DCLK1: variants seen among roughly 807,000 people sequenced by gnomAD.
DCLK1 encodes doublecortin like kinase 1, also known as serine/threonine-protein kinase DCLK1.
DCLK1 carries 16 observed loss-of-function variants against 86.2 expected under a neutral mutation model. The ratio of observed to expected loss-of-function variants is 0.19; its 90% CI spans 0.13 to 0.28. The LOEUF is 0.28. Ranked by LOEUF, DCLK1 falls within the 10% of genes least tolerant of loss-of-function variation. The pLI is 1.00. For missense variants in DCLK1, 590 were observed against 940.2 expected (o/e 0.63, Z 4.87); for synonymous variants, 369 against 370.5 (o/e 1.00, Z 0.05).
intron 16 of DCLK1, among the ~76,000 whole-genome samples, chr13:35,785,707 G>A (rs1423797399): frequency 2.0e-5 from 3 of 152,108 alleles, no homozygotes; most frequent in Admixed American, 6.5e-5. Context: ...CCAAGTGTTC[G>A]GCTTACAGCA....
At chr13:35,780,843 A>C (rs533143291) in intron 16 of DCLK1, among the ~76,000 whole-genome samples, 1 of 152,326 alleles carries the variant, frequency 6.6e-6, no homozygotes, top group South Asian at 2.1e-4. Context: ...TGAAAATCTT[A>C]GGGAAATCCA....
At chr13:35,832,508 G>A (rs1228598493) in intron 8 of DCLK1, among the ~76,000 whole-genome samples, 1 of 152,078 alleles carries the variant, frequency 6.6e-6, no homozygotes, top group Admixed American at 6.5e-5. Flanking sequence ...CTCTGTATGG[G>A]GCTGTGTCTT....
chr13:36,131,800 T>C (rs1286921312), upstream of DCLK1, among the ~76,000 whole-genome samples: 1 of 152,200 alleles, frequency 6.6e-6, no homozygotes, highest in Non-Finnish European at 1.5e-5. Flanking sequence ...TCTGACACCT[T>C]TCCCAGGGTA....
At chr13:36,076,720 G>A (rs1302233054) in intron 3 of DCLK1, among the ~76,000 whole-genome samples, 1 of 152,136 alleles carries the variant, frequency 6.6e-6, no homozygotes, top group Non-Finnish European at 1.5e-5. Flanking sequence ...AGTTCCGATT[G>A]CACCCGCCAC....
chr13:35,898,351 C>A (rs1874126306), intron 4 of DCLK1, among the ~76,000 whole-genome samples: 1 of 152,222 alleles, frequency 6.6e-6, no homozygotes, highest in African/African-American at 2.4e-5. Context: ...CTTCTCATTA[C>A]CCCAAGTTCT....
At position 36,021,066 on chromosome 13, in the gene DCLK1, G is replaced by A. The variant is rs530378849; in HGVS notation, c.724-73609C>T. ...TGCATAAAGCTACAATTATAACACC[G>A]CCTTCATGTATAAAGGTATAATTTG... On this transcript the variant is annotated intron_variant, in intron 3 of 16. Coordinates refer to ENST00000360631, the MANE Select transcript of DCLK1 (RefSeq NM_001330071.2). Among the ~76,000 whole-genome samples the A allele has an allele frequency of 1.8e-4, 27 of 152,044 alleles. No homozygotes were observed. The South Asian group carries it at 1.9e-3, about 11-fold the overall frequency.
chr13:36,090,137 G>A (rs1884766210), intron 3 of DCLK1, among the ~76,000 whole-genome samples: 1 of 152,166 alleles, frequency 6.6e-6, no homozygotes, highest in African/African-American at 2.4e-5. Flanking sequence ...TAGGCTTATC[G>A]ATGTGGAAAG....
chr13:35,960,880 C>T (rs1486600538), intron 3 of DCLK1, among the ~76,000 whole-genome samples: 1 of 152,240 alleles, frequency 6.6e-6, no homozygotes, highest in Non-Finnish European at 1.5e-5. Context: ...TCTCATATTA[C>T]TGATGGCCTT....
At chr13:35,868,588 T>G (rs1872027965) in intron 5 of DCLK1, among the ~76,000 whole-genome samples, 1 of 152,214 alleles carries the variant, frequency 6.6e-6, no homozygotes, top group African/African-American at 2.4e-5. Flanking sequence ...TTGATGATTT[T>G]TAATAGTATT....
rs187511561 is a variant in DCLK1, at chr13:35,970,879, C to T, written c.724-23422G>A. 3.9e-5 allele frequency among the ~76,000 whole-genome samples: 6 copies of T among 152,264 alleles called. No individual in the cohort carries two copies. In the East Asian group the frequency reaches 1.2e-3, roughly 29 times the overall value. ...GAAAGAGTAGCCTCATTTCAGTGCC[C>T]TAAATGTTAATCACCAGCCTCAGTT... On this transcript the variant is annotated intron_variant, in intron 3 of 16. Coordinates refer to ENST00000360631, the MANE Select transcript of DCLK1 (RefSeq NM_001330071.2).
chr13:35,813,449 G>A (rs1025926351), intron 11 of DCLK1, among the ~76,000 whole-genome samples: 13 of 151,914 alleles, frequency 8.6e-5, no homozygotes, highest in East Asian at 3.9e-4. Context: ...TTTTCTTTTC[G>A]AACATCTACA....
Position 36,112,235 on chromosome 13 carries a change from A to G in DCLK1, c.377-20T>C, listed in dbSNP as rs753198204. The G allele has an allele frequency of 6.0e-6, 9 of 1,490,660 alleles. No homozygotes were observed. In the Admixed American group the frequency reaches 1.5e-4, roughly 25 times the overall value. The allele number at this position is 1,490,660 out of a possible 1,614,324, so 92.3% of individuals were successfully genotyped here. On this transcript the variant is annotated intron_variant, in intron 2 of 16. Coordinates refer to ENST00000360631, the MANE Select transcript of DCLK1 (RefSeq NM_001330071.2). ...TCTCTCCTAAGGAAGAGAGAAATAT[A>G]TTTAAATTTATACTAAAATATGCCC... is the stretch of plus-strand genomic sequence containing the variant.
chr13:35,824,290 T>C (rs1433970720), intron 10 of DCLK1, among the ~76,000 whole-genome samples: 1 of 152,110 alleles, frequency 6.6e-6, no homozygotes, highest in Non-Finnish European at 1.5e-5. Flanking sequence ...GATCCTCCTG[T>C]CTCAGCCTCC....
chr13:36,021,150 TTGGTATATAAC>T (rs1881759400), intron 3 of DCLK1, among the ~76,000 whole-genome samples: 1 of 152,036 alleles, frequency 6.6e-6, no homozygotes, highest in African/African-American at 2.4e-5. Flanking sequence ...GAGCAAAGTC[TTGGTATATAAC>T]TGAAATTACA....
At chr13:36,110,375 G>T (rs1381232889) in intron 3 of DCLK1, among the ~76,000 whole-genome samples, 1 of 152,086 alleles carries the variant, frequency 6.6e-6, no homozygotes, top group Non-Finnish European at 1.5e-5. Flanking sequence ...TCATCCATTA[G>T]AATCCTTATC....
intron 4 of DCLK1, among the ~76,000 whole-genome samples, chr13:35,922,114 A>C (rs1875837347): frequency 6.6e-6 from 1 of 152,212 alleles, no homozygotes; most frequent in African/African-American, 2.4e-5. Context: ...TTACTTTTTA[A>C]AATCATCACT....
chr13:35,927,227 C>T lies in DCLK1; in HGVS notation c.823+20131G>A, dbSNP rs185738928. On this transcript the variant is annotated intron_variant, in intron 4 of 16. Transcript: ENST00000360631. ...TACATTGTGTGAAATATAAAGTCTA[C>T]TCTACAAGCAAATGAAAGAGATTTT... 5.3e-3 allele frequency among the ~76,000 whole-genome samples: 808 copies of T among 152,324 alleles called. 5 individuals are homozygous for T. The highest frequency in any genetic ancestry group is 0.041 in the Middle Eastern group (12 of 294).
chr13:36,030,469 T>TA (rs1006481167), intron 3 of DCLK1, among the ~76,000 whole-genome samples: 2 of 149,336 alleles, frequency 1.3e-5, no homozygotes, highest in African/African-American at 2.5e-5. Flanking sequence ...GCTAATTTTT[T>TA]TTTTTTTTTT....
chr13:35,861,841 A>G (rs976527569), intron 5 of DCLK1, among the ~76,000 whole-genome samples: 66 of 146,390 alleles, frequency 4.5e-4, no homozygotes, highest in African/African-American at 1.4e-3. Context: ...CCTGGATAAC[A>G]TAGTGAAACC....
Sources: allele counts gnomAD v4.1 joint callset (sites outside exome capture counted in the v4.1 genomes callset), GRCh38; gene constraint gnomAD v4.1.1; transcripts MANE v1.5; gene names NCBI Gene and HGNC (gene_info 2026-07-23, HGNC 2026-07-21).